The following TSGA10 variants were observed in gnomAD, a reference collection of about 807,000 sequenced individuals.
TSGA10 encodes the protein testis specific 10, also known as testis-specific gene 10 protein.
Under a neutral mutation model 96.6 loss-of-function variants are expected in TSGA10, and 43 were observed. The ratio of observed to expected loss-of-function variants is 0.44; its 90% CI spans 0.35 to 0.57. The LOEUF (loss-of-function observed/expected upper bound fraction) is 0.57. Among genes scored for constraint, TSGA10 ranks in the 20% least tolerant of loss-of-function variants. The pLI, the probability that TSGA10 is intolerant of heterozygous loss-of-function variation, is 0.01. For missense variants in TSGA10, 703 were observed against 834.4 expected (o/e 0.84, Z 1.94); for synonymous variants, 229 against 269.9 (o/e 0.85, Z 1.48).
chr2:99,112,616 A>C (rs2091908491), intron 4 of TSGA10, among the ~76,000 whole-genome samples: 1 of 152,006 alleles, frequency 6.6e-6, no homozygotes, highest in South Asian at 2.1e-4. Flanking sequence ...CTGGGCAAAA[A>C]ACATTGCAGG....
chr2:99,002,296 A>G (rs1573320787), intron 20 of TSGA10, among the ~76,000 whole-genome samples: 1 of 152,212 alleles, frequency 6.6e-6, no homozygotes, highest in Non-Finnish European at 1.5e-5. Context: ...CTTGGCAGAA[A>G]CTCCACAAGC....
intron 1 of TSGA10, among the ~76,000 whole-genome samples, chr2:99,129,213 TTA>T (rs937592193): frequency 6.6e-6 from 1 of 152,158 alleles, no homozygotes; most frequent in African/African-American, 2.4e-5. Flanking sequence ...TAATTGATAT[TTA>T]TATATATAGA....
intron 5 of TSGA10, 78 bp from the exon 6 acceptor site, chr2:99,109,590 C>A (rs2091637328): frequency 8.2e-7 from 1 of 1,220,796 alleles, no homozygotes; most frequent in Non-Finnish European, 1.1e-6. Context: ...ACCATTATTT[C>A]AAGCTAAACT....
chr2:99,087,775 A>T lies in TSGA10; in HGVS notation c.612-6378T>A, dbSNP rs562310338. ...AGCCACAGACTAGTTTAAAAAAATC[A>T]TACATTTCAGATAAACGGCTTCTAC... is the stretch of plus-strand genomic sequence containing the variant. On this transcript the variant is annotated intron_variant, in intron 10 of 20. Coordinates refer to ENST00000393483, the MANE Select transcript of TSGA10 (RefSeq NM_025244.4). Among the ~76,000 whole-genome samples the T allele has an allele frequency of 1.6e-4, 25 of 152,324 alleles. 2 individuals carry two copies. The East Asian group carries it at 4.8e-3, about 29-fold the overall frequency.
At chr2:99,027,227 G>T (rs1037359854) in intron 17 of TSGA10, among the ~76,000 whole-genome samples, 2 of 152,064 alleles carry the variant, frequency 1.3e-5, no homozygotes, top group African/African-American at 4.8e-5. Context: ...CCTTTAAAAA[G>T]AAAAAAATTC....
At chr2:99,076,425 TATC>T (rs1272231604) in intron 12 of TSGA10, among the ~76,000 whole-genome samples, 1 of 152,152 alleles carries the variant, frequency 6.6e-6, no homozygotes, top group Non-Finnish European at 1.5e-5. Context: ...AACATTTCAT[TATC>T]ATTATTTCAG....
intron 17 of TSGA10, 68 bp downstream of exon 17, chr2:99,035,162 A>G (rs982542605): frequency 4.1e-6 from 5 of 1,213,612 alleles, no homozygotes; most frequent in Non-Finnish European, 5.7e-6. Flanking sequence ...AAAAGAACTT[A>G]CTTTTCCAAA....
In TSGA10 at chr2:99,109,487, C is replaced by T; in HGVS notation, c.-48G>A. The T allele has an allele frequency of 1.9e-6, 3 of 1,601,524 alleles. No individual in the cohort carries two copies. The highest frequency in any genetic ancestry group is 2.6e-6 in the Non-Finnish European group (3 of 1,172,374). On this transcript the variant is annotated 5_prime_UTR_variant, in exon 6 of 21. Coordinates refer to ENST00000393483, the MANE Select transcript of TSGA10 (RefSeq NM_025244.4). ...CTCTTATAGTGATCTTTGTCTGCTT[C>T]CAAAGTCTTGACAAAGGAATCAAGT... is the stretch of plus-strand genomic sequence containing the variant.
In TSGA10 at chr2:99,085,878, A is replaced by G. The variant is rs539458733; in HGVS notation, c.612-4481T>C. Reference sequence around the variant, plus strand: ...TAAACAAATAGAAAACAAGAAATAAATGTAGAAGACTTACCAAAGCTGACT... The same window carrying G: ...TAAACAAATAGAAAACAAGAAATAAGTGTAGAAGACTTACCAAAGCTGACT... On this transcript the variant is annotated intron_variant, in intron 10 of 20. Transcript: ENST00000393483. Among the ~76,000 whole-genome samples, 131 of 152,268 alleles carry G rather than the reference A, an allele frequency of 8.6e-4. 3 individuals are homozygous for G. Among genetic ancestry groups the G allele is most frequent in the Middle Eastern group, 3.4e-3 (1 of 294 alleles).
intron 16 of TSGA10, among the ~76,000 whole-genome samples, chr2:99,043,170 T>TA (rs1328509621): frequency 7.1e-6 from 1 of 141,130 alleles, no homozygotes; most frequent in African/African-American, 2.9e-5. Flanking sequence ...ATAAAGATTA[T>TA]AAAAAAATAT....
intron 12 of TSGA10, among the ~76,000 whole-genome samples, chr2:99,074,285 A>AGGCCTCCCAAAGTGCTGGC (rs2086395955): frequency 6.6e-6 from 1 of 151,708 alleles, no homozygotes; most frequent in Non-Finnish European, 1.5e-5. Flanking sequence ...AAGTGCTGGG[A>AGGCCTCCCAAAGTGCTGGC]TTACAGGCGT....
intron 10 of TSGA10, among the ~76,000 whole-genome samples, chr2:99,094,157 A>G (rs1054562551): frequency 3.9e-5 from 6 of 152,186 alleles, no homozygotes; most frequent in Admixed American, 3.3e-4. Context: ...AGGGGAAAGG[A>G]CACCTTATTC....
At chr2:99,147,198 C>T in intron 1 of TSGA10, 1 of 401,276 alleles carries the variant, frequency 2.5e-6, no homozygotes, top group Non-Finnish European at 4.4e-6. Flanking sequence ...ATGAGGTCTC[C>T]CTATGTTGCC....
chr2:99,065,549 T>C (rs561725211), intron 15 of TSGA10, among the ~76,000 whole-genome samples: 1 of 152,354 alleles, frequency 6.6e-6, no homozygotes, highest in African/African-American at 2.4e-5. Flanking sequence ...CGGGCTGTGC[T>C]GGCTACAGAG....
chr2:99,118,961 T>C (rs952376977), intron 2 of TSGA10, among the ~76,000 whole-genome samples: 1 of 152,144 alleles, frequency 6.6e-6, no homozygotes, highest in African/African-American at 2.4e-5. Context: ...GTTAGTACCC[T>C]GTAAAAGATG....
chr2:99,011,063 C>CTAGAGT (rs2078954851), intron 20 of TSGA10, among the ~76,000 whole-genome samples: 3 of 152,152 alleles, frequency 2.0e-5, no homozygotes, highest in African/African-American at 7.2e-5. Flanking sequence ...CGTGGCAAGC[C>CTAGAGT]CTGCCCAAGT....
chr2:99,083,920 T>A (rs1201340970), intron 10 of TSGA10, among the ~76,000 whole-genome samples: 2 of 152,184 alleles, frequency 1.3e-5, no homozygotes, highest in Admixed American at 1.3e-4. Context: ...ACATATGTGA[T>A]AAAATGACAG....
chr2:99,018,609 T>C lies in TSGA10; in HGVS notation c.1849A>G (p.Arg617Gly), dbSNP rs1369716689. 1 of 1,614,056 alleles carries C rather than the reference T, an allele frequency of 6.2e-7. No individual in the cohort carries two copies. The highest frequency in any genetic ancestry group is 1.3e-5 in the African/African-American group (1 of 75,062). The change falls in exon 19 of 21, where the codon AGA becomes GGA. Residue 617 changes from arginine (R) to glycine (G), a missense_variant. Transcript: ENST00000393483. ...AIQSRDVAQFRNVVTQLEADL... is the reference protein window; with the variant it reads ...AIQSRDVAQFGNVVTQLEADL... ...GCTTCCAATTGTGTGACAACATTTC[T>C]GAACTGGGCCACATCTCTACTCTGG...
intron 10 of TSGA10, among the ~76,000 whole-genome samples, chr2:99,095,695 C>T (rs1029316773): frequency 6.6e-6 from 1 of 152,206 alleles, no homozygotes; most frequent in Admixed American, 6.5e-5. Flanking sequence ...GGCTGTAGTA[C>T]AGTGGTGCAA....
Sources: gnomAD v4.1 joint callset for allele counts (sites outside exome capture counted in the v4.1 genomes callset) on GRCh38, gnomAD v4.1.1 for gene constraint, MANE v1.5 for transcripts, NCBI Gene and HGNC (gene_info 2026-07-23, HGNC 2026-07-21) for gene names.